ADSS1: variants seen among roughly 807,000 people sequenced by gnomAD.
ADSS1 encodes adenylosuccinate synthetase isozyme 1.
Under a neutral mutation model 59.1 loss-of-function variants are expected in ADSS1, and 57 were observed. The ratio of observed to expected loss-of-function variants is 0.97; its 90% CI spans 0.78 to 1.20. The LOEUF (loss-of-function observed/expected upper bound fraction) is 1.20, where lower values mean the gene tolerates loss of function less well. ADSS1 is among the 50% of genes most tolerant of loss of function. The probability of loss-of-function intolerance (pLI) is 0.00; values close to 1 mark genes in which losing one functional copy is unlikely to be tolerated. For synonymous variants in ADSS1, 247 were observed against 249.4 expected (o/e 0.99, Z 0.09); for missense variants, 603 against 610.3 (o/e 0.99, Z 0.13).
chr14:104,747,212 A>G lies in ADSS1; in HGVS notation c.*209A>G. The G allele has an allele frequency of 2.1e-6, 1 of 481,722 alleles. No homozygotes were observed. The highest frequency in any genetic ancestry group is 3.6e-6 in the Non-Finnish European group (1 of 274,408). 29.8% of individuals were successfully genotyped at this position (481,722 alleles called of 1,614,324 possible). A position where few individuals can be genotyped will look rare whatever the true frequency, so the allele number is the denominator to read the frequency against. ...TATATTTTTAAAAATTATATTCAAA[A>G]TGAGCCAAAGTGCTCAGAGACCTTC... is the stretch of plus-strand genomic sequence containing the variant. On this transcript the variant is annotated 3_prime_UTR_variant, in exon 13 of 13. Coordinates refer to ENST00000330877, the MANE Select transcript of ADSS1 (RefSeq NM_152328.5).
At position 104,743,104 on chromosome 14, in the gene ADSS1, G is replaced by A. The variant is rs144330253; in HGVS notation, c.986G>A (p.Trp329Ter). ...GGLLQTRGHEWGVTTGRKRRC... is the reference protein window; with the variant it reads ...GGLLQTRGHE ...CTGCTGCAGACCCGCGGCCACGAGT[G>A]GGGAGTGACCACAGGCAGGAAGAGG... is the stretch of plus-strand genomic sequence containing the variant. The change falls in exon 10 of 13, where the codon TGG (tryptophan) becomes TAG (stop). Residue 329 changes from tryptophan to a stop codon, truncating the protein, a stop_gained. Transcript: ENST00000330877. LOFTEE classifies it high-confidence loss of function. The A allele has an allele frequency of 3.7e-6, 6 of 1,613,014 alleles. No individual in the cohort carries two copies. Among genetic ancestry groups the A allele is most frequent in the Non-Finnish European group, 5.1e-6 (6 of 1,180,012 alleles).
At chr14:104,746,449 C>T in intron 12 of ADSS1, 64 bp downstream of exon 12, 1 of 1,545,588 alleles carries the variant, frequency 6.5e-7, no homozygotes, top group Non-Finnish European at 8.8e-7. Flanking sequence ...GCCCACATCC[C>T]AGCGCAGGGC....
intron 1 of ADSS1, chr14:104,730,222 G>T: frequency 6.7e-7 from 1 of 1,493,282 alleles, no homozygotes; most frequent in Non-Finnish European, 9.0e-7. Context: ...GGGTGGGTGC[G>T]GTGGCGTACA....
At chr14:104,724,896 T>C (rs1235546079) in intron 1 of ADSS1, among the ~76,000 whole-genome samples, 1 of 152,078 alleles carries the variant, frequency 6.6e-6, no homozygotes. Context: ...GGGTCTGGGA[T>C]AGGGCTTACC....
At chr14:104,733,266 G>A (rs991115032) in intron 1 of ADSS1, among the ~76,000 whole-genome samples, 4 of 152,156 alleles carry the variant, frequency 2.6e-5, no homozygotes, top group Non-Finnish European at 5.9e-5. Flanking sequence ...ATAAGGACTG[G>A]GCCCAGCCAG....
At chr14:104,729,157 G>A (rs139053325) in intron 1 of ADSS1, among the ~76,000 whole-genome samples, 19 of 152,286 alleles carry the variant, frequency 1.2e-4, no homozygotes, top group Middle Eastern at 3.4e-3. Flanking sequence ...GTGGCCAGAG[G>A]AGTCATCCAT....
chr14:104,732,426 C>A (rs1158415128), intron 1 of ADSS1, among the ~76,000 whole-genome samples: 2 of 152,206 alleles, frequency 1.3e-5, no homozygotes, highest in African/African-American at 2.4e-5. Flanking sequence ...TCTCTGGGGC[C>A]ATCGTCCTGG....
Position 104,740,679 on chromosome 14 carries a change from C to T in ADSS1, c.555C>T (p.Leu185=). The T allele has an allele frequency of 6.2e-7, 1 of 1,614,002 alleles. No homozygotes were observed. The highest frequency in any genetic ancestry group is 8.5e-7 in the Non-Finnish European group (1 of 1,180,022). ...GGACAGGCCTCCGCATCTGCGACCT[C>T]CTGTCAGATTTTGATGAGTTTTCCT... ...AARTGLRICD[L]LSDFDEFSSR... is the part of the protein sequence containing the mutation. The change falls in exon 6 of 13, where the codon CTC becomes CTT. Residue 185 remains leucine (L), a synonymous_variant. Coordinates refer to ENST00000330877, the MANE Select transcript of ADSS1 (RefSeq NM_152328.5). The surrounding 1 kb of genome is among the most constrained non-coding windows in gnomAD (Gnocchi z 4.8).
intron 2 of ADSS1, among the ~76,000 whole-genome samples, chr14:104,735,950 C>T (rs1296225899): frequency 6.6e-6 from 1 of 152,218 alleles, no homozygotes; most frequent in Non-Finnish European, 1.5e-5. Context: ...GCAAGGCCAT[C>T]CTTGTGATGT....
rs545408511 is a variant in ADSS1 at position 104,730,052 on chromosome 14, G to C, written c.193-4968G>C. 1.5e-5 allele frequency: 24 copies of C among 1,571,360 alleles called. No homozygotes were observed. The South Asian group carries it at 2.3e-4, about 15-fold the overall frequency. The stretch of plus-strand genomic sequence containing the variant: ...GTTACTGAGTGGCCACTCCGTGCCA[G>C]CTCAGCCCACCCCTCACCTTCCCAG... On this transcript the variant is annotated intron_variant, in intron 1 of 12. Transcript: ENST00000330877.
intron 1 of ADSS1, among the ~76,000 whole-genome samples, chr14:104,726,617 A>G (rs1017393360): frequency 6.6e-6 from 1 of 152,202 alleles, no homozygotes; most frequent in Non-Finnish European, 1.5e-5. Flanking sequence ...GGATCTCCCC[A>G]GGGAAGACTG....
chr14:104,740,386 C>G lies in ADSS1; in HGVS notation c.477-215C>G, dbSNP rs140973555. 9.9e-3 allele frequency among the ~76,000 whole-genome samples: 1,500 copies of G among 152,216 alleles called. 11 individuals carry two copies. The highest frequency in any genetic ancestry group is 0.048 in the Middle Eastern group (14 of 292). ...GTACACACAGCCACACATGCACACACTCCACATGCACACATCCACCCACAG... is the reference window on the plus strand; with the variant it reads ...GTACACACAGCCACACATGCACACAGTCCACATGCACACATCCACCCACAG... On this transcript the variant is annotated intron_variant, in intron 5 of 12. Coordinates refer to ENST00000330877, the MANE Select transcript of ADSS1 (RefSeq NM_152328.5). This position sits in a 1 kb window ranked among gnomAD's most constrained non-coding sequence, Gnocchi z 4.8.
Position 104,744,898 on chromosome 14 carries a change from C to T in ADSS1, c.1160C>T (p.Pro387Leu). ...VSYKLNGKRI[P>L]YFPANQEMLQ... ...TACAAGCTGAACGGGAAAAGGATTC[C>T]CTATTTCCCAGGTATGTGAAGTGGG... The change falls in exon 11 of 13, where the codon CCC becomes CTC. Residue 387 changes from proline (P) to leucine (L), a missense_variant. Coordinates refer to ENST00000330877, the MANE Select transcript of ADSS1 (RefSeq NM_152328.5). 1 of 1,614,000 alleles carries T rather than the reference C, an allele frequency of 6.2e-7. No individual in the cohort carries two copies.
chr14:104,735,011 C>T lies in ADSS1; in HGVS notation c.193-9C>T. 4.3e-6 allele frequency: 7 copies of T among 1,611,806 alleles called. No homozygotes were observed. Among genetic ancestry groups the T allele is most frequent in the Non-Finnish European group, 5.9e-6 (7 of 1,178,300 alleles). ...AAGTGCCTTCAGCTCAGCCGGGTTTCTGTTCCAGGGGGGCAACAACGCCGG... is the reference window on the plus strand; with the variant it reads ...AAGTGCCTTCAGCTCAGCCGGGTTTTTGTTCCAGGGGGGCAACAACGCCGG... On this transcript the variant is annotated splice_polypyrimidine_tract_variant and intron_variant, in intron 1 of 12. Transcript: ENST00000330877.
chr14:104,735,298 C>A (rs12885343), intron 2 of ADSS1, among the ~76,000 whole-genome samples, 176 bp downstream of exon 2: 1 of 152,146 alleles, frequency 6.6e-6, no homozygotes, highest in Non-Finnish European at 1.5e-5. Flanking sequence ...CTGCATAGCC[C>A]GGGCCTGGGC....
At chr14:104,741,780 C>A in intron 8 of ADSS1, 68 bp from the exon 9 acceptor site, 1 of 1,582,924 alleles carries the variant, frequency 6.3e-7, no homozygotes, top group South Asian at 1.2e-5. Context: ...CTGAGAAGGC[C>A]TCTTGGGCCG....
chr14:104,730,106 C>G, intron 1 of ADSS1: 1 of 1,550,368 alleles, frequency 6.5e-7, no homozygotes, highest in Non-Finnish European at 8.7e-7. Context: ...TAGGGTGACG[C>G]TGGGAGAGGA....
rs757214349 is a variant in ADSS1, at chr14:104,741,801, T to C, written c.794-47T>C. 1.9e-6 allele frequency: 3 copies of C among 1,603,724 alleles called. No homozygotes were observed. In the South Asian group the frequency reaches 3.3e-5, roughly 18 times the overall value. On this transcript the variant is annotated intron_variant, in intron 8 of 12. Transcript: ENST00000330877. ...AGGCCTCTTGGGCCGGGTGGAATAA[T>C]CTACAGGGGGTGACAGGTAGCCCCC...
intron 12 of ADSS1, 112 bp downstream of exon 12, chr14:104,746,497 C>T (rs1334165998): frequency 7.2e-7 from 1 of 1,385,042 alleles, no homozygotes; most frequent in Non-Finnish European, 9.7e-7. Context: ...GGTCACCAAG[C>T]GAATATATTG....
Sources: allele counts gnomAD v4.1 joint callset (sites outside exome capture counted in the v4.1 genomes callset), GRCh38; gene constraint gnomAD v4.1.1; non-coding constraint Gnocchi (gnomAD v3.1); transcripts MANE v1.5; gene names NCBI Gene and HGNC (gene_info 2026-07-23, HGNC 2026-07-21).